The following TAF2 variants were observed in gnomAD, a reference collection of about 807,000 sequenced individuals.
TAF2 encodes the protein transcription initiation factor TFIID subunit 2.
TAF2 carries 61 observed loss-of-function variants against 138.5 expected under a neutral mutation model. The ratio of observed to expected loss-of-function variants is 0.44; its 90% confidence interval spans 0.36 to 0.54. The LOEUF is 0.54. Ranked by LOEUF, TAF2 falls within the 20% of genes least tolerant of loss-of-function variation. TAF2 has a pLI of 0.00. For missense variants in TAF2, 1,090 were observed against 1,427.9 expected, an observed-to-expected ratio of 0.76 and a Z score of 3.81; for synonymous variants, 475 against 469.9, an observed-to-expected ratio of 1.01 and a Z score of -0.14.
chr8:119,780,231 T>C (rs1012127518), intron 17 of TAF2, among the ~76,000 whole-genome samples: 3 of 152,194 alleles, frequency 2.0e-5, no homozygotes, highest in Non-Finnish European at 4.4e-5. Context: ...TCCCATATCC[T>C]TTCCTAAAAC....
chr8:119,742,686 G>T, intron 24 of TAF2, 30 bp from the exon 25 acceptor site: 1 of 1,611,418 alleles, frequency 6.2e-7, no homozygotes, highest in South Asian at 1.1e-5. Context: ...AAAAAAGAGG[G>T]ATTTATTTCT....
chr8:119,797,579 T>C (rs758481678), intron 7 of TAF2, 83 bp downstream of exon 7: 10 of 1,411,084 alleles, frequency 7.1e-6, no homozygotes, highest in Non-Finnish European at 9.9e-6. Context: ...TCAAAGCTCG[T>C]CTTAAAATTG....
chr8:119,732,002 T>C lies in TAF2; in HGVS notation c.3522A>G (p.Lys1174=). 1 of 1,614,214 alleles carries C rather than the reference T, an allele frequency of 6.2e-7. No individual in the cohort carries two copies. Among genetic ancestry groups the C allele is most frequent in the East Asian group, 2.2e-5 (1 of 44,880 alleles). Reference sequence around the variant, plus strand: ...AAGTGAAAGGCTCCTTGTCCTTTTCTTTACTGTCATGCTTATGCTTGTGTT... The same window carrying C: ...AAGTGAAAGGCTCCTTGTCCTTTTCCTTACTGTCATGCTTATGCTTGTGTT... ...KHKHKHKHDS[K]EKDKEPFTFS... The change falls in exon 26 of 26, where the codon AAA becomes AAG. Residue 1174 remains lysine (K), a synonymous_variant. Transcript: ENST00000378164.
At chr8:119,794,793 G>C (rs1196093226) in intron 9 of TAF2, among the ~76,000 whole-genome samples, 2 of 152,130 alleles carry the variant, frequency 1.3e-5, no homozygotes, top group African/African-American at 4.8e-5. Flanking sequence ...AATAGCTCTA[G>C]GTGTTTGAAG....
chr8:119,774,924 A>T (rs150581628), intron 18 of TAF2, among the ~76,000 whole-genome samples: 1,662 of 152,168 alleles, frequency 0.011, 33 homozygotes, highest in African/African-American at 0.037. Flanking sequence ...GGTAAAAACA[A>T]ACAAACAAAA....
intron 5 of TAF2, among the ~76,000 whole-genome samples, chr8:119,803,258 T>C (rs1266218125): frequency 1.3e-5 from 2 of 152,230 alleles, no homozygotes; most frequent in Non-Finnish European, 2.9e-5. Flanking sequence ...CTTGTGAAAA[T>C]TCATCGAGCT....
chr8:119,777,992 G>A, intron 18 of TAF2, 27 bp downstream of exon 18: 1 of 1,212,574 alleles, frequency 8.2e-7, no homozygotes, highest in Non-Finnish European at 1.2e-6. Flanking sequence ...AACTGTTGTA[G>A]AAGATTTAAA....
intron 25 of TAF2, among the ~76,000 whole-genome samples, chr8:119,733,495 T>C (rs1168376411): frequency 6.6e-6 from 1 of 152,180 alleles, no homozygotes; most frequent in Non-Finnish European, 1.5e-5. Context: ...AAAATCTAGA[T>C]CAAATGTCCT....
At chr8:119,811,950 C>T (rs1014065168) in intron 3 of TAF2, among the ~76,000 whole-genome samples, 4 of 151,630 alleles carry the variant, frequency 2.6e-5, no homozygotes, top group Non-Finnish European at 5.9e-5. Flanking sequence ...AAATTTGATC[C>T]AACTACAAAT....
intron 20 of TAF2, among the ~76,000 whole-genome samples, chr8:119,758,546 T>C (rs562698998): frequency 9.1e-4 from 139 of 152,286 alleles, no homozygotes; most frequent in African/African-American, 3.2e-3. Flanking sequence ...AACTATATTA[T>C]ATAGTATAGT....
chr8:119,810,011 A>AAC (rs1279780807), intron 3 of TAF2, among the ~76,000 whole-genome samples: 1 of 151,754 alleles, frequency 6.6e-6, no homozygotes, highest in African/African-American at 2.4e-5. Flanking sequence ...AAAAAAAAAA[A>AAC]AAAAAACAGT....
chr8:119,744,204 T>C, intron 24 of TAF2, 84 bp downstream of exon 24: 2 of 1,244,158 alleles, frequency 1.6e-6, no homozygotes, highest in Non-Finnish European at 2.4e-6. Flanking sequence ...TAGTTGTTCA[T>C]TTGAAAATAA....
intron 18 of TAF2, among the ~76,000 whole-genome samples, chr8:119,775,090 C>A (rs545172004): frequency 6.6e-6 from 1 of 151,792 alleles, no homozygotes; most frequent in East Asian, 1.9e-4. Flanking sequence ...ACCATCCTGC[C>A]CAACATGGTG....
At chr8:119,817,111 A>G (rs946286631) in intron 3 of TAF2, among the ~76,000 whole-genome samples, 4 of 152,214 alleles carry the variant, frequency 2.6e-5, no homozygotes, top group African/African-American at 9.6e-5. Context: ...CAACAGAGCT[A>G]TGGTTCTAGT....
intron 7 of TAF2, 27 bp from the exon 8 acceptor site, chr8:119,797,130 ATTATAACCAAGAAATAAATAC>A: frequency 6.9e-7 from 1 of 1,447,342 alleles, no homozygotes; most frequent in Non-Finnish European, 9.7e-7. Flanking sequence ...AAGAAAGCTC[ATTATAACCAAGAAATAAATAC>A]TTATTCAGTG....
rs61753749 is a variant in TAF2 at position 119,801,932 on chromosome 8, G to A, written c.654C>T (p.Gly218=). The A allele has an allele frequency of 0.013, 20,577 of 1,613,980 alleles. 144 individuals carry two copies. Among genetic ancestry groups the A allele is most frequent in the Non-Finnish European group, 0.015 (17,649 of 1,179,964 alleles). ...VDAAMVAVSN[G]DLVETVYTHD... ...GAGTATACACTGTCTCCACCAAATCGCCATTAGAAACAGCAACCATTGCAG... is the reference window on the plus strand; with the variant it reads ...GAGTATACACTGTCTCCACCAAATCACCATTAGAAACAGCAACCATTGCAG... Residue 218 remains glycine (G), a synonymous_variant, in exon 6 of 26, where the codon GGC becomes GGT. Coordinates refer to ENST00000378164, the MANE Select transcript of TAF2 (RefSeq NM_003184.4).
At chr8:119,820,541 T>G (rs758987375) in intron 2 of TAF2, among the ~76,000 whole-genome samples, 2 of 152,014 alleles carry the variant, frequency 1.3e-5, no homozygotes, top group Admixed American at 6.6e-5. Context: ...AAAAGTTAAC[T>G]TTTTACAGAT....
chr8:119,822,331 C>A (rs906214316), intron 2 of TAF2, among the ~76,000 whole-genome samples: 11 of 151,830 alleles, frequency 7.2e-5, no homozygotes, highest in African/African-American at 2.7e-4. Flanking sequence ...AAGTGATCCT[C>A]CCACCTCAGC....
At chr8:119,751,446 T>C (rs1231150046) in intron 22 of TAF2, among the ~76,000 whole-genome samples, 4 of 152,246 alleles carry the variant, frequency 2.6e-5, no homozygotes, top group Non-Finnish European at 5.9e-5. Context: ...AAAATGTATT[T>C]ATCCTGCTGG....
Sources: allele counts gnomAD v4.1 joint callset (sites outside exome capture counted in the v4.1 genomes callset), GRCh38; gene constraint gnomAD v4.1.1; transcripts MANE v1.5; gene names NCBI Gene and HGNC (gene_info 2026-07-23, HGNC 2026-07-21).